PHEX: variants seen among roughly 807,000 people sequenced by gnomAD.
The protein encoded by PHEX is phosphate regulating endopeptidase X-linked.
In PHEX, 16 loss-of-function variants were observed where a neutral mutation model predicts 68.0. The observed-to-expected ratio is 0.24, with a 90% CI of 0.16 to 0.36. The LOEUF is 0.36. Among genes scored for constraint, PHEX ranks in the 10% least tolerant of loss-of-function variants. The probability of loss-of-function intolerance (pLI) is 1.00; values close to 1 mark genes in which losing one functional copy is unlikely to be tolerated. For synonymous variants in PHEX, 208 were observed against 205.1 expected (o/e 1.01, Z -0.12); for missense variants, 480 against 575.5 (o/e 0.83, Z 1.70).
At chrX:22,245,787 T>A (rs1371502947) in intron 21 of PHEX, among the ~76,000 whole-genome samples, 1 of 112,001 alleles carries the variant, frequency 8.9e-6, no homozygotes, top group Non-Finnish European at 1.9e-5. Flanking sequence ...GTAAACTGCA[T>A]TATTGGACTT....
At chrX:22,127,818 G>A (rs1374373386) in intron 11 of PHEX, among the ~76,000 whole-genome samples, 1 of 110,216 alleles carries the variant, frequency 9.1e-6, no homozygotes, top group African/African-American at 3.3e-5. Flanking sequence ...TGATTTACCC[G>A]CGTTTTGACA....
intron 20 of PHEX, among the ~76,000 whole-genome samples, chrX:22,229,240 C>G (rs1286877972): frequency 3.6e-5 from 4 of 111,829 alleles, no homozygotes; most frequent in African/African-American, 1.3e-4. Flanking sequence ...GGTTTATAAT[C>G]CTTTGGGTAT....
rs764765967 is a variant in PHEX, at chrX:22,149,134, T to G, written c.1404+15510T>G. ...GGTCCTGTACGCCATAACCAAAGAC[T>G]CAGTGTTGGAAAGGTGATGCTCCAC... On this transcript the variant is annotated intron_variant, in intron 12 of 21. Coordinates refer to ENST00000379374, the MANE Select transcript of PHEX (RefSeq NM_000444.6). Among the ~76,000 whole-genome samples the G allele has an allele frequency of 3.6e-5, 4 of 112,063 alleles. No individual in the cohort carries two copies. In the South Asian group the frequency reaches 1.5e-3, roughly 42 times the overall value.
rs916000438 is a variant in PHEX, at chrX:22,096,900, A to G, written c.850-55A>G. 1.4e-5 allele frequency: 13 copies of G among 908,320 alleles called. No homozygotes were observed. In the African/African-American group the frequency reaches 2.5e-4, roughly 18 times the overall value. The allele number at this position is 908,320 out of a possible 1,213,427, so 74.9% of individuals were successfully genotyped here. On this transcript the variant is annotated intron_variant, in intron 7 of 21. Transcript: ENST00000379374. ...GTTTTGGCACATGTAGGAAGTAATCATACAGTAAGAAATGGTTCACTTGAA... is the reference window on the plus strand; with the variant it reads ...GTTTTGGCACATGTAGGAAGTAATCGTACAGTAAGAAATGGTTCACTTGAA...
At chrX:22,141,961 T>C (rs371458600) in intron 12 of PHEX, among the ~76,000 whole-genome samples, 24 of 112,404 alleles carry the variant, frequency 2.1e-4, no homozygotes, top group African/African-American at 7.4e-4. Flanking sequence ...GCAAGAATAT[T>C]CACTGTTGGC....
At chrX:22,098,500 G>A (rs1420262744) in intron 8 of PHEX, among the ~76,000 whole-genome samples, 1 of 107,708 alleles carries the variant, frequency 9.3e-6, no homozygotes, top group African/African-American at 3.4e-5. Flanking sequence ...TAAGACAATA[G>A]GTCAGGCCGA....
chrX:22,126,966 G>A (rs759056034), intron 11 of PHEX, among the ~76,000 whole-genome samples: 38 of 101,430 alleles, frequency 3.7e-4, no homozygotes, highest in South Asian at 2.4e-3. Flanking sequence ...CCACCTCCCG[G>A]GTTCAAGCGA....
At chrX:22,201,405 G>A (rs1313150794) in intron 15 of PHEX, among the ~76,000 whole-genome samples, 1 of 111,243 alleles carries the variant, frequency 9.0e-6, no homozygotes, top group African/African-American at 3.3e-5. Context: ...GGCTGGTCTC[G>A]AACTCTTGAC....
chrX:22,099,388 C>G (rs1930316558), intron 9 of PHEX: 5 of 391,066 alleles, frequency 1.3e-5, no homozygotes, highest in Admixed American at 8.6e-5. Flanking sequence ...CCATGCTGTT[C>G]TCTTTGAGAT....
intron 12 of PHEX, among the ~76,000 whole-genome samples, chrX:22,139,106 C>T (rs1336597854): frequency 8.9e-6 from 1 of 112,202 alleles, no homozygotes. Context: ...TACTTAACTT[C>T]TTCCACCCTC....
intron 11 of PHEX, among the ~76,000 whole-genome samples, chrX:22,128,518 A>G (rs1931835713): frequency 9.0e-6 from 1 of 111,299 alleles, no homozygotes; most frequent in Non-Finnish European, 1.9e-5. Flanking sequence ...CACATACTCC[A>G]TAAAAATACC....
At chrX:22,116,381 G>A (rs1317593335) in intron 11 of PHEX, among the ~76,000 whole-genome samples, 2 of 111,617 alleles carry the variant, frequency 1.8e-5, no homozygotes, top group African/African-American at 6.5e-5. Context: ...TTTTATTTTT[G>A]ATGAATTATA....
At chrX:22,223,796 G>A (rs1198565659) in intron 18 of PHEX, among the ~76,000 whole-genome samples, 1 of 112,718 alleles carries the variant, frequency 8.9e-6, no homozygotes, top group African/African-American at 3.2e-5. Context: ...AATTTTTTAA[G>A]CAGGAGTGGA....
chrX:22,140,903 G>A (rs936532273), intron 12 of PHEX, among the ~76,000 whole-genome samples: 7 of 107,027 alleles, frequency 6.5e-5, no homozygotes, highest in Non-Finnish European at 9.6e-5. Flanking sequence ...CATAATATCC[G>A]TATGAGGTAG....
At chrX:22,052,662 A>G (rs1361667183) in intron 3 of PHEX, among the ~76,000 whole-genome samples, 1 of 111,342 alleles carries the variant, frequency 9.0e-6, no homozygotes, top group Non-Finnish European at 1.9e-5. Context: ...CCTTTCATTT[A>G]CCCTCTATAT....
chrX:22,189,891 A>G (rs1787918773), intron 14 of PHEX, among the ~76,000 whole-genome samples: 1 of 112,434 alleles, frequency 8.9e-6, no homozygotes, highest in South Asian at 3.7e-4. Context: ...CTCTTCCCAC[A>G]CAATTCAGCT....
chrX:22,058,818 T>G (rs1027998563), intron 3 of PHEX, among the ~76,000 whole-genome samples: 3 of 112,284 alleles, frequency 2.7e-5, no homozygotes, highest in Non-Finnish European at 5.6e-5. Context: ...TCCCTTCTTT[T>G]TTCGGACATG....
rs111628195 is a variant in PHEX at position 22,055,174 on chromosome X, C to CAAAAAAAAAAAAAAAAAAAAAA, written c.349+7983_349+8004dup. On this transcript the variant is annotated intron_variant, in intron 3 of 21. Coordinates refer to ENST00000379374, the MANE Select transcript of PHEX (RefSeq NM_000444.6). ...CGGGCAACAGAGAGAGACTCCAGCT[C>CAAAAAAAAAAAAAAAAAAAAAA]AAAAAAAAAAAAAAAAAAAAAAAAA... Among the ~76,000 whole-genome samples, 21 of 66,100 alleles carry CAAAAAAAAAAAAAAAAAAAAAA rather than the reference C, an allele frequency of 3.2e-4. 1 individual carries two copies. Among genetic ancestry groups the CAAAAAAAAAAAAAAAAAAAAAA allele is most frequent in the Non-Finnish European group, 4.2e-4 (14 of 33,168 alleles). The allele number at this position is 66,100 out of a possible 115,157, so 57.4% of individuals were successfully genotyped here. A position where few individuals can be genotyped will look rare whatever the true frequency, so the allele number is the denominator to read the frequency against.
At chrX:22,228,977 C>T (rs5951730) in intron 20 of PHEX, among the ~76,000 whole-genome samples, 2 of 111,096 alleles carry the variant, frequency 1.8e-5, no homozygotes, top group Admixed American at 1.9e-4. Flanking sequence ...TGAGAACATG[C>T]GGGGTTTGGT....
Sources: gnomAD v4.1 joint callset for allele counts (sites outside exome capture counted in the v4.1 genomes callset) on GRCh38, gnomAD v4.1.1 for gene constraint, MANE v1.5 for transcripts, NCBI Gene and HGNC (gene_info 2026-07-23, HGNC 2026-07-21) for gene names.